LYRM4: variants seen among roughly 807,000 people sequenced by gnomAD.
The protein encoded by LYRM4 is LYR motif containing 4, also known as LYR motif-containing protein 4.
Under a neutral mutation model 11.7 loss-of-function variants are expected in LYRM4, and 9 were observed. The observed-to-expected ratio is 0.77, with a 90% confidence interval of 0.46 to 1.34. The LOEUF is 1.34. LYRM4 is among the 40% of genes most tolerant of loss of function. The probability of loss-of-function intolerance (pLI) is 0.00; values close to 1 mark genes in which losing one functional copy is unlikely to be tolerated. For synonymous variants in LYRM4, 42 were observed against 40.4 expected (o/e 1.04, Z -0.15); for missense variants, 133 against 112.5 (o/e 1.18, Z -0.82).
chr6:5,038,886 GAGA>G, the LYRM4 span, among the ~76,000 whole-genome samples: 17 of 8,392 alleles, frequency 2.0e-3, no homozygotes, highest in African/African-American at 4.9e-3. Context: ...CGTGGAGGGA[GAGA>G]GAGGGAGAGG....
Position 5,138,487 on chromosome 6 carries a change from C to CAAAAAAAA in LYRM4, c.208-29004_208-28997dup, listed in dbSNP as rs765741377. ...GGCCAACAGAGTGAGACCCTGTCTC[C>CAAAAAAAA]AAAAAAAAAAAAAAAAAAAAAAAAA... On this transcript the variant is annotated intron_variant, in intron 2 of 2. Coordinates refer to ENST00000330636, the MANE Select transcript of LYRM4 (RefSeq NM_020408.6). Among the ~76,000 whole-genome samples, 242 of 49,702 alleles carry CAAAAAAAA rather than the reference C, an allele frequency of 4.9e-3. 14 individuals carry two copies. Among genetic ancestry groups the CAAAAAAAA allele is most frequent in the Non-Finnish European group, 4.6e-3 (138 of 29,968 alleles). 32.6% of individuals were successfully genotyped at this position (49,702 alleles called of 152,430 possible). A position where few individuals can be genotyped will look rare whatever the true frequency, so the allele number is the denominator to read the frequency against.
chr6:5,052,831 C>G, the LYRM4 span, among the ~76,000 whole-genome samples: 1,346 of 152,316 alleles, frequency 8.8e-3, 18 homozygotes, highest in Middle Eastern at 0.024. Context: ...TCTACCTGCA[C>G]TCTCTATGCT....
chr6:5,107,863 G>A (rs1196343786), downstream of LYRM4: 1 of 152,102 alleles, frequency 6.6e-6, no homozygotes, highest in African/African-American at 2.4e-5. Flanking sequence ...AAAATTAGCT[G>A]GGCGTGGTGG....
At chr6:5,098,841 A>C (rs1762415341), downstream of LYRM4, among the ~76,000 whole-genome samples, 1 of 152,198 alleles carries the variant, frequency 6.6e-6, no homozygotes, top group Non-Finnish European at 1.5e-5. Flanking sequence ...AGGTACTCAT[A>C]GGATGTGATG....
chr6:5,039,435 G>A, the LYRM4 span, among the ~76,000 whole-genome samples: 4 of 152,282 alleles, frequency 2.6e-5, no homozygotes, highest in African/African-American at 9.6e-5. Flanking sequence ...TTAGAACAAT[G>A]AAGAGCAGGG....
intron 2 of LYRM4, among the ~76,000 whole-genome samples, chr6:5,187,963 T>C (rs902456094): frequency 3.9e-5 from 6 of 152,288 alleles, no homozygotes; most frequent in East Asian, 1.9e-4. Context: ...TAAGAATCTT[T>C]ATGTGGGAAG....
intron 2 of LYRM4, among the ~76,000 whole-genome samples, chr6:5,181,736 T>C (rs1760089004): frequency 6.6e-6 from 1 of 152,208 alleles, no homozygotes; most frequent in South Asian, 2.1e-4. Flanking sequence ...AACTCTCTTC[T>C]TCCTACTGCT....
chr6:5,144,233 C>T (rs1757570964), intron 2 of LYRM4: 1 of 1,537,102 alleles, frequency 6.5e-7, no homozygotes, highest in African/African-American at 1.4e-5. Flanking sequence ...TCCCCGACTT[C>T]CTCCTGGCGG....
chr6:5,161,348 T>C (rs1281458805), intron 2 of LYRM4, among the ~76,000 whole-genome samples: 1 of 152,170 alleles, frequency 6.6e-6, no homozygotes, highest in Non-Finnish European at 1.5e-5. Context: ...AAATGATAAA[T>C]TAGTAGGATC....
At chr6:5,054,248 A>G in the LYRM4 span, 1 of 244,322 alleles carries the variant, frequency 4.1e-6, no homozygotes, top group Non-Finnish European at 6.6e-6. Flanking sequence ...GTGCTTCCAC[A>G]TATGTTCCTG....
intron 2 of LYRM4, among the ~76,000 whole-genome samples, chr6:5,182,693 G>C (rs1395001633): frequency 6.6e-6 from 1 of 152,170 alleles, no homozygotes; most frequent in East Asian, 1.9e-4. Context: ...ATTTTAAAAA[G>C]GTAACCCTGT....
At chr6:5,202,668 C>T (rs1159011663) in intron 2 of LYRM4, among the ~76,000 whole-genome samples, 1 of 152,188 alleles carries the variant, frequency 6.6e-6, no homozygotes, top group Non-Finnish European at 1.5e-5. Flanking sequence ...AGATGAATAG[C>T]CTGCCATAAG....
chr6:5,205,400 G>A (rs1761637693), intron 2 of LYRM4, among the ~76,000 whole-genome samples: 2 of 151,946 alleles, frequency 1.3e-5, no homozygotes, highest in South Asian at 4.2e-4. Context: ...AAATCAACTG[G>A]AATACTGCAG....
chr6:5,239,915 G>A lies in LYRM4; in HGVS notation c.86+20733C>T, dbSNP rs117045422. On this transcript the variant is annotated intron_variant, in intron 1 of 2. Coordinates refer to ENST00000330636, the MANE Select transcript of LYRM4 (RefSeq NM_020408.6). ...ATAGGGAACAGTACCTGGCCATGGC[G>A]CAGAACAAGTGCATGAGAGGACAGA... 7.9e-5 allele frequency among the ~76,000 whole-genome samples: 12 copies of A among 152,278 alleles called. No homozygotes were observed. The East Asian group carries it at 1.5e-3, about 20-fold the overall frequency.
the LYRM4 span, among the ~76,000 whole-genome samples, chr6:5,057,347 C>A: frequency 6.6e-6 from 1 of 152,138 alleles, no homozygotes; most frequent in Non-Finnish European, 1.5e-5. Context: ...CCTCCCTGCC[C>A]ACCCTTTCCC....
intron 2 of LYRM4, among the ~76,000 whole-genome samples, chr6:5,192,418 C>A (rs969142959): frequency 6.6e-6 from 1 of 152,180 alleles, no homozygotes; most frequent in Non-Finnish European, 1.5e-5. Flanking sequence ...TGAGGAAGCA[C>A]CCCTCCCCTT....
At chr6:5,123,771 G>A (rs892930393) in intron 2 of LYRM4, among the ~76,000 whole-genome samples, 5 of 152,206 alleles carry the variant, frequency 3.3e-5, no homozygotes, top group Admixed American at 2.0e-4. Context: ...CCTGTAGGGC[G>A]AGGACCTCGG....
the LYRM4 span, among the ~76,000 whole-genome samples, chr6:5,048,608 G>C: frequency 1.3e-5 from 2 of 152,270 alleles, no homozygotes; most frequent in Admixed American, 1.3e-4. Flanking sequence ...AAAGAGCTGG[G>C]ATTACAGGTG....
At chr6:5,142,047 T>A (rs1757436373) in intron 2 of LYRM4, among the ~76,000 whole-genome samples, 1 of 152,096 alleles carries the variant, frequency 6.6e-6, no homozygotes, top group Non-Finnish European at 1.5e-5. Flanking sequence ...GTACAGGTGA[T>A]AAGGAAACCG....
Sources: gnomAD v4.1 joint callset for allele counts (sites outside exome capture counted in the v4.1 genomes callset) on GRCh38, gnomAD v4.1.1 for gene constraint, MANE v1.5 for transcripts, NCBI Gene and HGNC (gene_info 2026-07-23, HGNC 2026-07-21) for gene names.